The following CSMD3 variants were observed in gnomAD, a reference collection of about 807,000 sequenced individuals.
CSMD3 encodes CUB and Sushi multiple domains 3.
A neutral mutation model predicts 435.2 loss-of-function variants in CSMD3; 177 were observed. The ratio of observed to expected loss-of-function variants is 0.41; its 90% CI spans 0.36 to 0.46. CSMD3 has a LOEUF of 0.46. Among genes scored for constraint, CSMD3 ranks in the 20% least tolerant of loss-of-function variants. The pLI, the probability that CSMD3 is intolerant of heterozygous loss-of-function variation, is 0.34. For synonymous variants in CSMD3, 1,656 were observed against 1,520.5 expected (o/e 1.09, Z -2.07); for missense variants, 4,265 against 4,504.6 (o/e 0.95, Z 1.52).
intron 59 of CSMD3, among the ~76,000 whole-genome samples, chr8:112,267,306 A>G (rs889486957): frequency 6.6e-6 from 1 of 152,096 alleles, no homozygotes; most frequent in Admixed American, 6.6e-5. Context: ...CGATGAAATT[A>G]AACTGTTTGA....
At chr8:112,276,664 A>G (rs1818076131) in intron 59 of CSMD3, among the ~76,000 whole-genome samples, 1 of 152,120 alleles carries the variant, frequency 6.6e-6, no homozygotes, top group Admixed American at 6.5e-5. Flanking sequence ...GTCAAGGTAC[A>G]GCTCAGGCCA....
At chr8:112,727,143 T>C (rs1456348996) in intron 13 of CSMD3, among the ~76,000 whole-genome samples, 1 of 151,876 alleles carries the variant, frequency 6.6e-6, no homozygotes, top group Non-Finnish European at 1.5e-5. Flanking sequence ...TGTATAATTA[T>C]TTTGAATAAT....
At chr8:113,257,513 G>A (rs113836086) in intron 3 of CSMD3, among the ~76,000 whole-genome samples, 2 of 152,296 alleles carry the variant, frequency 1.3e-5, no homozygotes, top group African/African-American at 4.8e-5. Context: ...TGCTCTGGAA[G>A]CTCTGTACCC....
chr8:112,490,070 T>C (rs981857027), intron 31 of CSMD3, among the ~76,000 whole-genome samples: 2 of 152,192 alleles, frequency 1.3e-5, no homozygotes, highest in African/African-American at 4.8e-5. Context: ...GATGCATGTT[T>C]ATCAGCACTT....
Position 112,722,055 on chromosome 8 carries a change from GA to G in CSMD3, c.1973-32006del, listed in dbSNP as rs200039574. Among the ~76,000 whole-genome samples the G allele has an allele frequency of 4.9e-3, 739 of 150,204 alleles. 10 individuals carry two copies. The highest frequency in any genetic ancestry group is 0.017 in the African/African-American group (709 of 41,016). On this transcript the variant is annotated intron_variant, in intron 13 of 70. Coordinates refer to ENST00000297405, the MANE Select transcript of CSMD3 (RefSeq NM_198123.2). ...TTCACTTTTTTTAAGCCCATTATAT[GA>G]AAAAAAAATCCATACATAAGGCTGT...
chr8:112,607,508 A>G (rs940121725), intron 22 of CSMD3, among the ~76,000 whole-genome samples: 3 of 152,056 alleles, frequency 2.0e-5, no homozygotes, highest in Non-Finnish European at 4.4e-5. Flanking sequence ...CCTGACACCA[A>G]AGACAGACAA....
At chr8:113,062,256 AAG>A (rs1464533893) in intron 5 of CSMD3, among the ~76,000 whole-genome samples, 2 of 151,888 alleles carry the variant, frequency 1.3e-5, no homozygotes, top group East Asian at 3.9e-4. Flanking sequence ...TACACACTAA[AAG>A]TATCCCAATA....
chr8:112,407,397 A>G (rs1831952245), intron 34 of CSMD3, among the ~76,000 whole-genome samples: 1 of 152,008 alleles, frequency 6.6e-6, no homozygotes. Context: ...GTAAAATAGA[A>G]TGATAACAGG....
At chr8:112,740,666 G>A (rs1449470222) in intron 13 of CSMD3, among the ~76,000 whole-genome samples, 2 of 151,878 alleles carry the variant, frequency 1.3e-5, no homozygotes, top group Non-Finnish European at 2.9e-5. Context: ...TGGATAGGAA[G>A]GTAGGGGTTA....
chr8:112,901,443 A>T (rs1011862663), intron 10 of CSMD3, among the ~76,000 whole-genome samples: 5 of 151,294 alleles, frequency 3.3e-5, no homozygotes, highest in Non-Finnish European at 7.4e-5. Context: ...ACTACCCCAG[A>T]CTGAGTTTAC....
chr8:112,245,133 T>C (rs1432997893), intron 64 of CSMD3, among the ~76,000 whole-genome samples: 1 of 152,130 alleles, frequency 6.6e-6, no homozygotes, highest in Non-Finnish European at 1.5e-5. Flanking sequence ...TTTTTTTACA[T>C]ATGGAATTTT....
chr8:112,679,316 T>C (rs1183272087), intron 16 of CSMD3, among the ~76,000 whole-genome samples: 1 of 152,106 alleles, frequency 6.6e-6, no homozygotes, highest in African/African-American at 2.4e-5. Context: ...GATAGAGTAG[T>C]AACCTGGCAA....
chr8:112,644,842 A>G (rs2074934963), intron 20 of CSMD3, among the ~76,000 whole-genome samples: 1 of 152,150 alleles, frequency 6.6e-6, no homozygotes, highest in South Asian at 2.1e-4. Context: ...TCCTGTTACA[A>G]AAATTTCAAA....
At chr8:112,351,885 G>C (rs1331639258) in intron 39 of CSMD3, among the ~76,000 whole-genome samples, 2 of 150,740 alleles carry the variant, frequency 1.3e-5, no homozygotes, top group African/African-American at 4.9e-5. Context: ...ATAAACCTGG[G>C]ACCCTCGACA....
rs548219767 is a variant in CSMD3 at position 112,401,351 on chromosome 8, C to T, written c.5809+5173G>A. ...ATTTTTTTTTAATTTTTCCTTTTCT[C>T]TCTCTGTTTAATGTGACAGATCATT... On this transcript the variant is annotated intron_variant, in intron 35 of 70. Coordinates refer to ENST00000297405, the MANE Select transcript of CSMD3 (RefSeq NM_198123.2). Among the ~76,000 whole-genome samples the T allele has an allele frequency of 5.9e-5, 9 of 151,748 alleles. No individual in the cohort carries two copies. The East Asian group carries it at 1.7e-3, about 29-fold the overall frequency.
chr8:112,594,332 C>G (rs921210188), intron 22 of CSMD3, among the ~76,000 whole-genome samples: 8 of 152,180 alleles, frequency 5.3e-5, no homozygotes, highest in East Asian at 1.9e-4. Context: ...CGGCGCACCA[C>G]GAGATTATAT....
chr8:113,026,061 C>A (rs2086865056), intron 5 of CSMD3, among the ~76,000 whole-genome samples: 2 of 152,142 alleles, frequency 1.3e-5, no homozygotes, highest in South Asian at 4.1e-4. Flanking sequence ...AGGGGGTGCA[C>A]ATAGGCTCCT....
intron 4 of CSMD3, among the ~76,000 whole-genome samples, chr8:113,147,391 C>T (rs776884386): frequency 6.6e-6 from 1 of 151,708 alleles, no homozygotes; most frequent in Non-Finnish European, 1.5e-5. Flanking sequence ...GACTTTGCCA[C>T]ACTTTTCTTC....
chr8:113,237,505 G>T (rs2093163353), intron 3 of CSMD3, among the ~76,000 whole-genome samples: 1 of 152,164 alleles, frequency 6.6e-6, no homozygotes, highest in Non-Finnish European at 1.5e-5. Flanking sequence ...CATTTATTTT[G>T]CATACATTTT....
Sources: allele counts gnomAD v4.1 joint callset (sites outside exome capture counted in the v4.1 genomes callset), GRCh38; gene constraint gnomAD v4.1.1; transcripts MANE v1.5; gene names NCBI Gene and HGNC (gene_info 2026-07-23, HGNC 2026-07-21).